Variants in LOC128462377 observed in about 807,000 individuals in gnomAD.
chr16:89,393,300 CT>C, the LOC128462377 span, among the ~76,000 whole-genome samples: 3 of 151,100 alleles, frequency 2.0e-5, no homozygotes, highest in East Asian at 5.8e-4. Flanking sequence ...CTTTTTTTTA[CT>C]TTTTTTATTT....
At chr16:89,342,269 C>T in the LOC128462377 span, among the ~76,000 whole-genome samples, 1 of 152,258 alleles carries the variant, frequency 6.6e-6, no homozygotes, top group African/African-American at 2.4e-5. Flanking sequence ...ACATCAAGAG[C>T]TGCTGGTGAA....
the LOC128462377 span, among the ~76,000 whole-genome samples, chr16:89,355,037 A>G: frequency 6.6e-6 from 1 of 152,198 alleles, no homozygotes; most frequent in Non-Finnish European, 1.5e-5. Flanking sequence ...CAGGAAGGAA[A>G]CGCCAGAACA....
chr16:89,321,510 C>T, the LOC128462377 span, among the ~76,000 whole-genome samples: 2 of 152,046 alleles, frequency 1.3e-5, no homozygotes, highest in Non-Finnish European at 2.9e-5. Context: ...GGGGCAGGGG[C>T]TGCCCAGGAG....
chr16:89,390,297 G>T, the LOC128462377 span, among the ~76,000 whole-genome samples: 1 of 149,006 alleles, frequency 6.7e-6, no homozygotes. Context: ...GATCACTGGG[G>T]CGAACACCGA....
At chr16:89,379,849 A>C in the LOC128462377 span, among the ~76,000 whole-genome samples, 1 of 152,258 alleles carries the variant, frequency 6.6e-6, no homozygotes, top group African/African-American at 2.4e-5. Flanking sequence ...TTTCCCAAAA[A>C]ATATAATTTT....
the LOC128462377 span, among the ~76,000 whole-genome samples, chr16:89,317,626 C>G: frequency 2.6e-5 from 4 of 152,202 alleles, no homozygotes; most frequent in African/African-American, 4.8e-5. Flanking sequence ...CAAGGGGTGT[C>G]TCTGAGCGAG....
chr16:89,385,087 T>C, the LOC128462377 span, among the ~76,000 whole-genome samples: 1 of 152,000 alleles, frequency 6.6e-6, no homozygotes, highest in Non-Finnish European at 1.5e-5. Flanking sequence ...TATTTCACCA[T>C]GTTGGCCAGG....
chr16:89,357,646 T>TGCGTCTGCACACAGCATAAC, the LOC128462377 span, among the ~76,000 whole-genome samples: 4 of 152,148 alleles, frequency 2.6e-5, no homozygotes, highest in African/African-American at 9.7e-5. Flanking sequence ...AGAAGCAGAA[T>TGCGTCTGCACACAGCATAAC]GCGTCTGCAC....
At chr16:89,341,841 G>A in the LOC128462377 span, among the ~76,000 whole-genome samples, 1,389 of 144,042 alleles carry the variant, frequency 9.6e-3, 20 homozygotes, top group African/African-American at 0.037. Flanking sequence ...GGCCCACGGC[G>A]GGAGTGCTGC....
the LOC128462377 span, among the ~76,000 whole-genome samples, chr16:89,346,162 T>C: frequency 7.2e-6 from 1 of 139,604 alleles, no homozygotes; most frequent in South Asian, 2.2e-4. Flanking sequence ...GGCAGGAGAA[T>C]CCCTTGAACC....
the LOC128462377 span, among the ~76,000 whole-genome samples, chr16:89,397,900 T>C: frequency 6.6e-6 from 1 of 152,208 alleles, no homozygotes; most frequent in African/African-American, 2.4e-5. Context: ...CCATCCCTGG[T>C]CAAAGCAGGT....
chr16:89,339,355 G>GCAAACAAACAAA, the LOC128462377 span, among the ~76,000 whole-genome samples: 1 of 152,024 alleles, frequency 6.6e-6, no homozygotes, highest in African/African-American at 2.4e-5. Context: ...GCTTACACTA[G>GCAAACAAACAAA]CAAACAAACA....
At chr16:89,327,892 C>T in the LOC128462377 span, among the ~76,000 whole-genome samples, 23 of 152,058 alleles carry the variant, frequency 1.5e-4, no homozygotes, top group Admixed American at 1.4e-3. Context: ...TAAACGACCT[C>T]GACAAAATTA....
the LOC128462377 span, among the ~76,000 whole-genome samples, chr16:89,413,890 G>A: frequency 1.3e-5 from 2 of 152,116 alleles, no homozygotes; most frequent in African/African-American, 4.8e-5. Flanking sequence ...GAGGCAGGAG[G>A]GTGGTACCAA....
the LOC128462377 span, among the ~76,000 whole-genome samples, chr16:89,401,493 TA>T: frequency 6.6e-6 from 1 of 152,226 alleles, no homozygotes; most frequent in Non-Finnish European, 1.5e-5. Flanking sequence ...CCTTATTTTG[TA>T]AAAAGTACAT....
chr16:89,402,835 G>C, the LOC128462377 span, among the ~76,000 whole-genome samples: 1 of 150,408 alleles, frequency 6.6e-6, no homozygotes, highest in Admixed American at 6.6e-5. Context: ...GCGGCACTGC[G>C]GGAGGAGGTG....
At chr16:89,371,231 C>T in the LOC128462377 span, among the ~76,000 whole-genome samples, 2 of 152,210 alleles carry the variant, frequency 1.3e-5, no homozygotes, top group Non-Finnish European at 2.9e-5. Flanking sequence ...TTCGCAAATA[C>T]TCACTGAAGA....
At chr16:89,377,960 G>A in the LOC128462377 span, among the ~76,000 whole-genome samples, 1 of 151,804 alleles carries the variant, frequency 6.6e-6, no homozygotes, top group African/African-American at 2.4e-5. Context: ...CACTTAATGA[G>A]AAGTAAACAT....
the LOC128462377 span, chr16:89,403,775 A>T: frequency 6.6e-6 from 1 of 152,150 alleles, no homozygotes; most frequent in Non-Finnish European, 1.5e-5. Context: ...AAAAGTAAAA[A>T]TAAAAAAATT....
Sources: allele counts gnomAD v4.1 joint callset (sites outside exome capture counted in the v4.1 genomes callset), GRCh38; gene constraint gnomAD v4.1.1; transcripts MANE v1.5.